The following NFKB1 variants were observed in gnomAD, a reference collection of about 807,000 sequenced individuals.
NFKB1 encodes nuclear factor kappa B subunit 1.
In NFKB1, 9 loss-of-function variants were observed where a neutral mutation model predicts 105.1. The observed-to-expected ratio is 0.09, with a 90% confidence interval of 0.05 to 0.15. NFKB1 has a LOEUF of 0.15. Among genes scored for constraint, NFKB1 ranks in the 10% least tolerant of loss-of-function variants. The pLI, the probability that NFKB1 is intolerant of heterozygous loss-of-function variation, is 1.00. For synonymous variants in NFKB1, 440 were observed against 442.2 expected, an observed-to-expected ratio of 1.00 and a Z score of 0.06; for missense variants, 830 against 1,203.7, an observed-to-expected ratio of 0.69 and a Z score of 4.59.
At chr4:102,551,400 A>G (rs201660920) in intron 5 of NFKB1, among the ~76,000 whole-genome samples, 1 of 148,038 alleles carries the variant, frequency 6.8e-6, no homozygotes, top group African/African-American at 2.6e-5. Flanking sequence ...GTGTGTGTTG[A>G]GGTGGACTGG....
rs1308762881 is a variant in NFKB1 at position 102,606,717 on chromosome 4, C to T, written c.1954+20C>T. 2.5e-6 allele frequency: 4 copies of T among 1,604,674 alleles called. No homozygotes were observed. The African/African-American group carries it at 4.0e-5, about 16-fold the overall frequency. On this transcript the variant is annotated intron_variant, in intron 17 of 23. Transcript: ENST00000226574. ...GGGACGGTAAGAGACAATCACACAT[C>T]ATTGGTGTAACTTTCTCCACCTTCT...
At chr4:102,584,642 T>C (rs376054906) in intron 10 of NFKB1, 40 bp from the exon 11 acceptor site, 27 of 1,490,978 alleles carry the variant, frequency 1.8e-5, no homozygotes, top group Middle Eastern at 4.0e-4. Context: ...AAAAAAAAAA[T>C]GTAGTCCTAC....
At chr4:102,552,272 T>C (rs1722676452) in intron 5 of NFKB1, among the ~76,000 whole-genome samples, 1 of 152,152 alleles carries the variant, frequency 6.6e-6, no homozygotes, top group Admixed American at 6.6e-5. Flanking sequence ...CTGGAGGATT[T>C]GGTTGTCTTC....
At chr4:102,552,285 A>G (rs1433438028) in intron 5 of NFKB1, among the ~76,000 whole-genome samples, 5 of 152,200 alleles carry the variant, frequency 3.3e-5, no homozygotes, top group Non-Finnish European at 5.9e-5. Flanking sequence ...TTGTCTTCAA[A>G]TATATGAATG....
At chr4:102,517,675 A>G (rs1479355338) in intron 1 of NFKB1, among the ~76,000 whole-genome samples, 1 of 152,212 alleles carries the variant, frequency 6.6e-6, no homozygotes, top group African/African-American at 2.4e-5. Context: ...TATAGGTTAT[A>G]GGAAAAATAT....
intron 5 of NFKB1, among the ~76,000 whole-genome samples, chr4:102,559,937 C>G (rs1267380830): frequency 6.9e-6 from 1 of 144,094 alleles, no homozygotes; most frequent in East Asian, 2.0e-4. Flanking sequence ...GACCCTGTCC[C>G]TTTAAAAAAA....
intron 1 of NFKB1, among the ~76,000 whole-genome samples, chr4:102,512,109 T>C (rs1467687854): frequency 6.6e-6 from 1 of 152,232 alleles, no homozygotes; most frequent in Non-Finnish European, 1.5e-5. Flanking sequence ...AACAAAATAC[T>C]GTTTTTCCTC....
At chr4:102,597,425 A>G in intron 14 of NFKB1, 95 bp from the exon 15 acceptor site, 1 of 1,284,884 alleles carries the variant, frequency 7.8e-7, no homozygotes, top group South Asian at 1.6e-5. Flanking sequence ...TCAAGGTGTC[A>G]GAACACTGAT....
intron 1 of NFKB1, among the ~76,000 whole-genome samples, chr4:102,510,475 A>G (rs1046046083): frequency 6.6e-6 from 1 of 152,184 alleles, no homozygotes; most frequent in Non-Finnish European, 1.5e-5. Flanking sequence ...TGTTTCTTTG[A>G]TGTAATTGTA....
At chr4:102,510,333 C>T (rs1219207646) in intron 1 of NFKB1, among the ~76,000 whole-genome samples, 2 of 152,134 alleles carry the variant, frequency 1.3e-5, no homozygotes, top group African/African-American at 4.8e-5. Flanking sequence ...AAATACCGAA[C>T]AAGATATCAA....
At chr4:102,571,725 A>G (rs905095787) in intron 6 of NFKB1, among the ~76,000 whole-genome samples, 3 of 152,256 alleles carry the variant, frequency 2.0e-5, no homozygotes, top group African/African-American at 7.2e-5. Flanking sequence ...CAAAAGACAC[A>G]TGAAAAAATG....
intron 6 of NFKB1, among the ~76,000 whole-genome samples, chr4:102,572,382 T>G (rs1210685439): frequency 6.6e-6 from 1 of 151,996 alleles, no homozygotes; most frequent in Non-Finnish European, 1.5e-5. Context: ...ATGTAAATGC[T>G]GAGTTACTGG....
At chr4:102,521,776 G>A (rs1365284564) in intron 1 of NFKB1, among the ~76,000 whole-genome samples, 3 of 152,202 alleles carry the variant, frequency 2.0e-5, no homozygotes, top group East Asian at 1.9e-4. Context: ...GTTAGTGGGG[G>A]CATTGTCACA....
At chr4:102,531,922 A>G (rs1434683337) in intron 3 of NFKB1, among the ~76,000 whole-genome samples, 2 of 152,188 alleles carry the variant, frequency 1.3e-5, no homozygotes, top group Non-Finnish European at 2.9e-5. Context: ...GCTCTGTTAG[A>G]GGACTGTCTT....
chr4:102,544,819 A>G (rs1722012924), intron 5 of NFKB1, among the ~76,000 whole-genome samples: 1 of 152,148 alleles, frequency 6.6e-6, no homozygotes, highest in Non-Finnish European at 1.5e-5. Context: ...TTATTAGGAG[A>G]GATATACACT....
At chr4:102,531,312 C>T (rs531014350) in intron 3 of NFKB1, among the ~76,000 whole-genome samples, 34 of 152,262 alleles carry the variant, frequency 2.2e-4, no homozygotes, top group Admixed American at 4.6e-4. Context: ...ATTCAAATTA[C>T]ACCTAAAAAT....
intron 6 of NFKB1, among the ~76,000 whole-genome samples, chr4:102,575,563 C>G (rs538439768): frequency 6.6e-6 from 1 of 152,224 alleles, no homozygotes; most frequent in East Asian, 1.9e-4. Flanking sequence ...ACCTCCTTGC[C>G]TTTGTTGTGT....
chr4:102,549,292 A>T (rs1320797226), intron 5 of NFKB1, among the ~76,000 whole-genome samples: 1 of 151,438 alleles, frequency 6.6e-6, no homozygotes, highest in African/African-American at 2.4e-5. Flanking sequence ...AACTTGACCA[A>T]GAATGGCTTC....
At chr4:102,612,372 C>T in intron 21 of NFKB1, 62 bp from the exon 22 acceptor site, 2 of 1,529,156 alleles carry the variant, frequency 1.3e-6, no homozygotes, top group Non-Finnish European at 1.8e-6. Flanking sequence ...CAGCAATGAT[C>T]AGTCCCTCCA....
Sources: gnomAD v4.1 joint callset for allele counts (sites outside exome capture counted in the v4.1 genomes callset) on GRCh38, gnomAD v4.1.1 for gene constraint, MANE v1.5 for transcripts, NCBI Gene and HGNC (gene_info 2026-07-23, HGNC 2026-07-21) for gene names.